The following LPP variants were observed in gnomAD, a reference collection of about 807,000 sequenced individuals.
The protein encoded by LPP is lipoma-preferred partner.
LPP carries 38 observed loss-of-function variants against 60.4 expected under a neutral mutation model. The observed-to-expected ratio is 0.63, with a 90% CI of 0.49 to 0.83. The LOEUF is 0.83. Among genes scored for constraint, LPP ranks in the 40% least tolerant of loss-of-function variants. The pLI is 0.00. For synonymous variants in LPP, 328 were observed against 290.8 expected (o/e 1.13, Z -1.30); for missense variants, 902 against 783.6 (o/e 1.15, Z -1.80).
At position 188,591,328 on chromosome 3, in the gene LPP, T is replaced by C. The variant is rs760399769; in HGVS notation, c.430-17833T>C. Reference sequence around the variant, plus strand: ...AGGCCTTCAGTGTTAACATAGCCTTTTTCTGTTATTGCATTTATCTGCCTT... The same window carrying C: ...AGGCCTTCAGTGTTAACATAGCCTTCTTCTGTTATTGCATTTATCTGCCTT... On this transcript the variant is annotated intron_variant, in intron 6 of 11. Transcript: ENST00000617246. Among the ~76,000 whole-genome samples, 5 of 152,224 alleles carry C rather than the reference T, an allele frequency of 3.3e-5. No individual in the cohort carries two copies. In the East Asian group the frequency reaches 9.6e-4, roughly 29 times the overall value.
chr3:188,705,215 A>G (rs1865249965), intron 7 of LPP, among the ~76,000 whole-genome samples: 1 of 152,180 alleles, frequency 6.6e-6, no homozygotes, highest in Non-Finnish European at 1.5e-5. Flanking sequence ...CTCCTTTAAC[A>G]TTTCCGTACC....
intron 2 of LPP, among the ~76,000 whole-genome samples, chr3:188,255,880 C>T (rs1731493335): frequency 6.6e-6 from 1 of 152,138 alleles, no homozygotes; most frequent in Admixed American, 6.5e-5. Flanking sequence ...TTGTAGGCAA[C>T]TCTGAAATTT....
At chr3:188,747,906 G>C (rs887923505) in intron 8 of LPP, among the ~76,000 whole-genome samples, 1 of 152,160 alleles carries the variant, frequency 6.6e-6, no homozygotes, top group African/African-American at 2.4e-5. Context: ...CTGAGCTCCA[G>C]TGTAACATCG....
chr3:188,854,856 T>G (rs1368104190), intron 9 of LPP, among the ~76,000 whole-genome samples: 1 of 152,168 alleles, frequency 6.6e-6, no homozygotes, highest in Admixed American at 6.5e-5. Flanking sequence ...CTTGGCAGGG[T>G]TGAGTTTCAG....
At chr3:188,440,483 A>T (rs771347122) in intron 4 of LPP, among the ~76,000 whole-genome samples, 1 of 152,196 alleles carries the variant, frequency 6.6e-6, no homozygotes, top group Non-Finnish European at 1.5e-5. Flanking sequence ...GAGAAGAGAC[A>T]TGCAGTCTAG....
chr3:188,457,178 C>T (rs144412272), intron 4 of LPP, among the ~76,000 whole-genome samples: 103 of 152,308 alleles, frequency 6.8e-4, no homozygotes, highest in Non-Finnish European at 1.3e-3. Flanking sequence ...AATGCACTGA[C>T]GTCTTCACAT....
intron 6 of LPP, among the ~76,000 whole-genome samples, chr3:188,535,310 A>G (rs1179355236): frequency 6.6e-6 from 1 of 152,234 alleles, no homozygotes; most frequent in African/African-American, 2.4e-5. Context: ...CCTTACAGGA[A>G]CAGTAGATAG....
At chr3:188,728,434 T>C (rs558096196) in intron 8 of LPP, among the ~76,000 whole-genome samples, 1 of 152,224 alleles carries the variant, frequency 6.6e-6, no homozygotes, top group Non-Finnish European at 1.5e-5. Context: ...GAATGCACTA[T>C]GTTATTTGAT....
At chr3:188,584,302 G>C (rs1192079997) in intron 6 of LPP, 1 of 152,144 alleles carries the variant, frequency 6.6e-6, no homozygotes, top group African/African-American at 2.4e-5. Flanking sequence ...TCATGGATGA[G>C]AGAGAATTTG....
In LPP at chr3:188,234,571, G is replaced by A. The variant is rs549127983; in HGVS notation, c.-67+9044G>A. On this transcript the variant is annotated intron_variant, in intron 2 of 11. Transcript: ENST00000617246. ...TGTGAAGTGTCTTGCCCAAGATCAC[G>A]TAGCCCATTAAGTTTTAGAAGCTGA... Among the ~76,000 whole-genome samples the A allele has an allele frequency of 2.2e-4, 34 of 152,290 alleles. 1 individual carries two copies. The Middle Eastern group carries it at 0.01, about 46-fold the overall frequency.
At chr3:188,563,667 C>T (rs1017448632) in intron 6 of LPP, among the ~76,000 whole-genome samples, 4 of 149,876 alleles carry the variant, frequency 2.7e-5, no homozygotes, top group African/African-American at 9.8e-5. Context: ...GATGAGCTTC[C>T]TTGCATATGT....
intron 9 of LPP, among the ~76,000 whole-genome samples, chr3:188,802,567 G>A (rs1465491664): frequency 6.6e-6 from 1 of 152,302 alleles, no homozygotes; most frequent in East Asian, 1.9e-4. Context: ...TGGATCACCT[G>A]AGGTCAGGTG....
Position 188,432,921 on chromosome 3 carries a change from A to G in LPP, c.193+26608A>G, listed in dbSNP as rs1487167229. 3.9e-5 allele frequency among the ~76,000 whole-genome samples: 6 copies of G among 152,270 alleles called. No individual in the cohort carries two copies. In the East Asian group the frequency reaches 7.7e-4, roughly 20 times the overall value. On this transcript the variant is annotated intron_variant, in intron 4 of 11. Transcript: ENST00000617246. ...GCATTTATTCATTTAGCAAACATCC[A>G]TTAAGTGCCTAGGACCTTTAAGGTA...
At chr3:188,444,368 G>A (rs1794726472) in intron 4 of LPP, among the ~76,000 whole-genome samples, 1 of 152,110 alleles carries the variant, frequency 6.6e-6, no homozygotes, top group Admixed American at 6.6e-5. Context: ...TATACCTTTA[G>A]CAATGCCTTT....
intron 2 of LPP, among the ~76,000 whole-genome samples, chr3:188,293,241 G>A (rs1415454465): frequency 2.6e-5 from 4 of 152,246 alleles, no homozygotes; most frequent in African/African-American, 9.6e-5. Context: ...TTAAGAAGCA[G>A]AAAATGTGGT....
At chr3:188,553,856 C>A (rs1828804338) in intron 6 of LPP, 1 of 152,208 alleles carries the variant, frequency 6.6e-6, no homozygotes, top group African/African-American at 2.4e-5. Flanking sequence ...AATGCCTGAG[C>A]TTCTACCGAG....
chr3:188,458,162 A>C (rs974993691), intron 4 of LPP, among the ~76,000 whole-genome samples: 3 of 152,182 alleles, frequency 2.0e-5, no homozygotes, highest in African/African-American at 7.2e-5. Context: ...TTAGTTTTGC[A>C]TCCACTAGGC....
At chr3:188,518,205 A>T (rs541683626) in intron 5 of LPP, among the ~76,000 whole-genome samples, 287 of 105,854 alleles carry the variant, frequency 2.7e-3, no homozygotes, top group African/African-American at 9.2e-3. Context: ...TTGTTACTTA[A>T]AAAGCACACA....
chr3:188,485,813 AAT>A lies in LPP; in HGVS notation c.306+1110_306+1111del, dbSNP rs1553911280. 1.5e-4 allele frequency among the ~76,000 whole-genome samples: 22 copies of A among 147,020 alleles called. 2 individuals carry two copies. Among genetic ancestry groups the A allele is most frequent in the South Asian group, 4.3e-4 (2 of 4,686 alleles). On this transcript the variant is annotated intron_variant, in intron 5 of 11. Coordinates refer to ENST00000617246, the MANE Select transcript of LPP (RefSeq NM_001375462.1). The stretch of plus-strand genomic sequence containing the variant: ...CTCCGTCTCAAAAAAAAAAAAAAAA[AAT>A]GGAATGGTGTCTGGTAATTATTTTC...
Sources: allele counts gnomAD v4.1 joint callset (sites outside exome capture counted in the v4.1 genomes callset), GRCh38; gene constraint gnomAD v4.1.1; transcripts MANE v1.5; gene names NCBI Gene and HGNC (gene_info 2026-07-23, HGNC 2026-07-21).